DIP2C: variants seen among roughly 807,000 people sequenced by gnomAD.
DIP2C encodes the protein DIP2 acetate--CoA ligase C (putative), also known as disco-interacting protein 2 homolog C.
Under a neutral mutation model 192.4 loss-of-function variants are expected in DIP2C, and 33 were observed. That is an observed-to-expected ratio of 0.17 (90% CI 0.13 to 0.23). The LOEUF (loss-of-function observed/expected upper bound fraction) is 0.23. Ranked by LOEUF, DIP2C falls within the 10% of genes least tolerant of loss-of-function variation. The pLI is 1.00. For missense variants in DIP2C, 1,537 were observed against 2,110.1 expected, an observed-to-expected ratio of 0.73 and a Z score of 5.32; for synonymous variants, 979 against 864.1, an observed-to-expected ratio of 1.13 and a Z score of -2.33.
chr10:608,003 G>A (rs1384460581), intron 1 of DIP2C, among the ~76,000 whole-genome samples: 1 of 151,552 alleles, frequency 6.6e-6, no homozygotes, highest in East Asian at 1.9e-4. Flanking sequence ...ATCGGAGTCC[G>A]CAGGTGCGGT....
chr10:521,496 GT>G (rs1846705581), intron 1 of DIP2C, among the ~76,000 whole-genome samples: 1 of 152,172 alleles, frequency 6.6e-6, no homozygotes, highest in South Asian at 2.1e-4. Flanking sequence ...AAAGCCTGAC[GT>G]GTGGTCCCAG....
At chr10:462,191 G>A (rs1246845613) in intron 3 of DIP2C, among the ~76,000 whole-genome samples, 1 of 152,058 alleles carries the variant, frequency 6.6e-6, no homozygotes, top group African/African-American at 2.4e-5. Flanking sequence ...GAGCAGAAAT[G>A]AAGGAGACAG....
At chr10:466,294 T>C (rs984110706) in intron 3 of DIP2C, among the ~76,000 whole-genome samples, 11 of 149,084 alleles carry the variant, frequency 7.4e-5, no homozygotes, top group Non-Finnish European at 1.2e-4. Flanking sequence ...GGGGAAAGGA[T>C]TCCCTATTTA....
chr10:686,822 T>C lies in DIP2C; in HGVS notation c.85+2672A>G, dbSNP rs531517689. 2.1e-3 allele frequency among the ~76,000 whole-genome samples: 325 copies of C among 152,374 alleles called. 1 individual carries two copies. The highest frequency in any genetic ancestry group is 6.8e-3 in the Middle Eastern group (2 of 294). ...AGCAGGACACCAGCAGTGCATGTAA[T>C]GGCGCCCAGCAGGCGGGCACAGCAG... On this transcript the variant is annotated intron_variant, in intron 1 of 36. Transcript: ENST00000280886.
intron 1 of DIP2C, among the ~76,000 whole-genome samples, chr10:513,123 T>C (rs563909172): frequency 6.6e-6 from 1 of 152,190 alleles, no homozygotes; most frequent in African/African-American, 2.4e-5. Flanking sequence ...TGCTACATTA[T>C]ATTTTTTAAG....
chr10:668,917 A>T (rs1465293359), intron 1 of DIP2C: 1 of 152,118 alleles, frequency 6.6e-6, no homozygotes, highest in Non-Finnish European at 1.5e-5. Flanking sequence ...AGGGGCCAGG[A>T]GCCTCAGTCA....
chr10:295,107 T>C (rs530420967), intron 32 of DIP2C, among the ~76,000 whole-genome samples: 11 of 152,176 alleles, frequency 7.2e-5, no homozygotes, highest in African/African-American at 2.6e-4. Flanking sequence ...AAGTCTTTTT[T>C]TTTTCTTAAG....
chr10:548,130 C>T (rs886450169), intron 1 of DIP2C, among the ~76,000 whole-genome samples: 1 of 151,858 alleles, frequency 6.6e-6, no homozygotes, highest in Admixed American at 6.6e-5. Flanking sequence ...GGTCCCCTGT[C>T]CCCACCTCTG....
intron 24 of DIP2C, among the ~76,000 whole-genome samples, chr10:355,542 AT>A (rs1378854817): frequency 6.6e-6 from 1 of 152,154 alleles, no homozygotes; most frequent in Non-Finnish European, 1.5e-5. Flanking sequence ...TTTTTCTTCC[AT>A]TTTTCAAGCT....
At chr10:300,766 C>G (rs1955998021) in intron 32 of DIP2C, among the ~76,000 whole-genome samples, 1 of 148,522 alleles carries the variant, frequency 6.7e-6, no homozygotes, top group Admixed American at 6.7e-5. Context: ...AAGCCGGAAC[C>G]CAGGGGCGGC....
At chr10:675,564 G>A (rs1588749146) in intron 1 of DIP2C, among the ~76,000 whole-genome samples, 1 of 151,864 alleles carries the variant, frequency 6.6e-6, no homozygotes, top group Non-Finnish European at 1.5e-5. Context: ...TCCCAAATAA[G>A]TAAAATTAGA....
At chr10:386,395 G>A (rs1300633497) in intron 14 of DIP2C, among the ~76,000 whole-genome samples, 3 of 152,214 alleles carry the variant, frequency 2.0e-5, no homozygotes, top group Non-Finnish European at 2.9e-5. Context: ...GAAAGGCTGA[G>A]ACACAAGCCC....
chr10:671,124 T>G (rs1305966280), intron 1 of DIP2C, among the ~76,000 whole-genome samples: 2 of 152,206 alleles, frequency 1.3e-5, no homozygotes, highest in Non-Finnish European at 2.9e-5. Flanking sequence ...TCCCTGCGGC[T>G]CCCCGAGCGT....
intron 1 of DIP2C, among the ~76,000 whole-genome samples, chr10:657,912 ACTGGACCTGTCC>A (rs1856485259): frequency 1.4e-5 from 1 of 71,694 alleles, no homozygotes; most frequent in Admixed American, 1.6e-4. Flanking sequence ...TGGACCTGCC[ACTGGACCTGTCC>A]CTGGACCTGC....
At chr10:461,291 A>G (rs1969752826) in intron 3 of DIP2C, among the ~76,000 whole-genome samples, 1 of 152,254 alleles carries the variant, frequency 6.6e-6, no homozygotes, top group Admixed American at 6.5e-5. Flanking sequence ...GGTGTGCTGT[A>G]TTCAGGAGAC....
At chr10:437,796 A>G (rs1044397291) in intron 4 of DIP2C, 3 of 152,210 alleles carry the variant, frequency 2.0e-5, no homozygotes, top group Non-Finnish European at 4.4e-5. Context: ...TTTCTCCAGA[A>G]ACTATGATCC....
In DIP2C at chr10:461,649, T is replaced by C. The variant is rs529365420; in HGVS notation, c.268+10790A>G. On this transcript the variant is annotated intron_variant, in intron 3 of 36. Coordinates refer to ENST00000280886, the MANE Select transcript of DIP2C (RefSeq NM_014974.3). ...TGAGACAGAAAATTAACAAGGATAT[T>C]CAGGACTTGAACTCAGCTCTGGGCC... 2.0e-5 allele frequency among the ~76,000 whole-genome samples: 3 copies of C among 152,220 alleles called. No individual in the cohort carries two copies. The South Asian group carries it at 6.2e-4, about 32-fold the overall frequency.
In DIP2C at chr10:283,254, G is replaced by T. The variant is rs368272835; in HGVS notation, c.4294+18C>A. ...TCTGCCCATCTGTTGGGGGGGGGCC[G>T]CCAGCCTGGACTCTCACCTCCATTT... On this transcript the variant is annotated intron_variant, in intron 35 of 36. Coordinates refer to ENST00000280886, the MANE Select transcript of DIP2C (RefSeq NM_014974.3). The T allele has an allele frequency of 1.2e-6, 2 of 1,608,038 alleles. No homozygotes were observed. The highest frequency in any genetic ancestry group is 1.7e-6 in the Non-Finnish European group (2 of 1,176,692).
chr10:406,805 T>TA (rs1291512512), intron 9 of DIP2C, among the ~76,000 whole-genome samples: 6 of 152,220 alleles, frequency 3.9e-5, no homozygotes, highest in African/African-American at 1.4e-4. Flanking sequence ...CTCCTGGGGA[T>TA]AACATCACTA....
Sources: gnomAD v4.1 joint callset for allele counts (sites outside exome capture counted in the v4.1 genomes callset) on GRCh38, gnomAD v4.1.1 for gene constraint, MANE v1.5 for transcripts, NCBI Gene and HGNC (gene_info 2026-07-23, HGNC 2026-07-21) for gene names.